ERBB4: variants seen among roughly 807,000 people sequenced by gnomAD.
The protein encoded by ERBB4 is receptor tyrosine-protein kinase erbB-4.
A neutral mutation model predicts 158.0 loss-of-function variants in ERBB4; 42 were observed. The observed-to-expected ratio is 0.27, with a 90% CI of 0.21 to 0.34. The LOEUF (loss-of-function observed/expected upper bound fraction) is 0.34. ERBB4 is among the 10% of genes least tolerant of loss of function. The probability of loss-of-function intolerance (pLI) is 1.00; values close to 1 mark genes in which losing one functional copy is unlikely to be tolerated. For synonymous variants in ERBB4, 583 were observed against 558.7 expected (o/e 1.04, Z -0.61); for missense variants, 1,333 against 1,624.1 (o/e 0.82, Z 3.08).
At chr2:212,245,395 A>G (rs1482713756) in intron 1 of ERBB4, among the ~76,000 whole-genome samples, 1 of 152,126 alleles carries the variant, frequency 6.6e-6, no homozygotes, top group Non-Finnish European at 1.5e-5. Context: ...AGTTTTGAAA[A>G]ATAATTTTGA....
chr2:212,286,099 T>G (rs1320847931), intron 1 of ERBB4, among the ~76,000 whole-genome samples: 1 of 152,152 alleles, frequency 6.6e-6, no homozygotes, highest in Non-Finnish European at 1.5e-5. Flanking sequence ...CATAATCACT[T>G]CAAATCTTAC....
chr2:212,286,594 C>CTTGTT (rs760466245), intron 1 of ERBB4, among the ~76,000 whole-genome samples: 6 of 55,542 alleles, frequency 1.1e-4, no homozygotes, highest in African/African-American at 3.5e-4. Context: ...TAAGTGCTGA[C>CTTGTT]TTTTTTTTTT....
At chr2:211,978,403 T>TATCC (rs1324075872) in intron 2 of ERBB4, among the ~76,000 whole-genome samples, 1 of 148,724 alleles carries the variant, frequency 6.7e-6, no homozygotes, top group East Asian at 2.0e-4. Context: ...TCTGTCTATC[T>TATCC]ATCTATCTAT....
At chr2:212,135,394 T>C (rs143515071) in intron 1 of ERBB4, among the ~76,000 whole-genome samples, 146 of 152,320 alleles carry the variant, frequency 9.6e-4, no homozygotes, top group Middle Eastern at 6.8e-3. Context: ...TTTTTGTACT[T>C]TGTATTTCAA....
chr2:212,338,997 T>G (rs1169936503), intron 1 of ERBB4, among the ~76,000 whole-genome samples: 2 of 152,276 alleles, frequency 1.3e-5, no homozygotes, highest in Non-Finnish European at 2.9e-5. Context: ...TCCTAGTGCA[T>G]TATTATCATT....
At chr2:212,016,506 T>C (rs2076532723) in intron 2 of ERBB4, among the ~76,000 whole-genome samples, 1 of 152,168 alleles carries the variant, frequency 6.6e-6, no homozygotes, top group South Asian at 2.1e-4. Flanking sequence ...TGGCATATCA[T>C]GCAAATTTTA....
chr2:212,298,951 C>T (rs2086520550), intron 1 of ERBB4, among the ~76,000 whole-genome samples: 2 of 151,678 alleles, frequency 1.3e-5, no homozygotes, highest in South Asian at 2.1e-4. Flanking sequence ...AGCAAGTTCT[C>T]TTTCATTGTG....
rs552990979 is a variant in ERBB4, at chr2:212,092,805, G to A, written c.234+31947C>T. Reference sequence around the variant, plus strand: ...ACGCAGGGAGGGGAACATCACAACCGGGGCCTGTCAGGGGGCTAGGGGAGG... The same window carrying A: ...ACGCAGGGAGGGGAACATCACAACCAGGGCCTGTCAGGGGGCTAGGGGAGG... On this transcript the variant is annotated intron_variant, in intron 2 of 27. Coordinates refer to ENST00000342788, the MANE Select transcript of ERBB4 (RefSeq NM_005235.3). Among the ~76,000 whole-genome samples the A allele has an allele frequency of 1.7e-4, 26 of 152,172 alleles. No homozygotes were observed. In the South Asian group the frequency reaches 1.9e-3, roughly 11 times the overall value.
chr2:211,742,448 A>C (rs1304176968), intron 5 of ERBB4, among the ~76,000 whole-genome samples: 1 of 152,232 alleles, frequency 6.6e-6, no homozygotes, highest in African/African-American at 2.4e-5. Context: ...AATTTTGAGG[A>C]ACAAAAATAT....
chr2:211,613,733 A>G (rs2069283680), intron 19 of ERBB4, among the ~76,000 whole-genome samples: 1 of 152,138 alleles, frequency 6.6e-6, no homozygotes, highest in Non-Finnish European at 1.5e-5. Context: ...ACCCCAGTTA[A>G]AATGGCTTAA....
intron 1 of ERBB4, among the ~76,000 whole-genome samples, chr2:212,511,066 A>G (rs936750109): frequency 6.6e-6 from 1 of 152,144 alleles, no homozygotes; most frequent in African/African-American, 2.4e-5. Context: ...AAAAAAACGG[A>G]TATTTTAGAC....
intron 12 of ERBB4, among the ~76,000 whole-genome samples, chr2:211,698,001 A>G (rs1167786427): frequency 6.6e-6 from 1 of 152,194 alleles, no homozygotes; most frequent in Non-Finnish European, 1.5e-5. Context: ...AGTCCAGCAT[A>G]CTTCTATAAA....
At chr2:211,453,548 T>A (rs1271386093) in intron 20 of ERBB4, among the ~76,000 whole-genome samples, 1 of 152,206 alleles carries the variant, frequency 6.6e-6, no homozygotes, top group Non-Finnish European at 1.5e-5. Context: ...TACAATGTGC[T>A]TTTGACTACA....
chr2:211,713,415 G>A lies in ERBB4; in HGVS notation c.997+120C>T, dbSNP rs567009888. The A allele has an allele frequency of 1.9e-4, 136 of 707,284 alleles. 1 individual carries two copies. Among genetic ancestry groups the A allele is most frequent in the South Asian group, 8.0e-4 (52 of 65,294 alleles). 43.8% of individuals were successfully genotyped at this position (707,284 alleles called of 1,614,324 possible). ...GTAACTGTTCAAAATTATGGAAAGC[G>A]TGTGGGTAGGTTTGGTTGTGAGAGT... is the stretch of plus-strand genomic sequence containing the variant. On this transcript the variant is annotated intron_variant, in intron 8 of 27. Coordinates refer to ENST00000342788, the MANE Select transcript of ERBB4 (RefSeq NM_005235.3).
intron 3 of ERBB4, among the ~76,000 whole-genome samples, chr2:211,887,253 T>TTC (rs138281796): frequency 6.9e-6 from 1 of 145,326 alleles, no homozygotes; most frequent in African/African-American, 2.5e-5. Context: ...AACAGAGGAT[T>TTC]ACACACACAC....
At chr2:211,552,107 C>T (rs199805767) in intron 20 of ERBB4, among the ~76,000 whole-genome samples, 39 of 152,156 alleles carry the variant, frequency 2.6e-4, no homozygotes, top group East Asian at 2.3e-3. Context: ...AAAAGTAAAG[C>T]GCACAGATAC....
intron 2 of ERBB4, among the ~76,000 whole-genome samples, chr2:212,057,356 C>T (rs1461764492): frequency 2.0e-5 from 3 of 152,162 alleles, no homozygotes; most frequent in African/African-American, 7.2e-5. Flanking sequence ...GCACTGTCAA[C>T]ATTAGACAGA....
intron 1 of ERBB4, among the ~76,000 whole-genome samples, chr2:212,202,908 C>T (rs1023955934): frequency 9.9e-5 from 15 of 151,710 alleles, no homozygotes; most frequent in East Asian, 1.9e-4. Flanking sequence ...TTTTACACAT[C>T]GGCTAATTAT....
intron 3 of ERBB4, among the ~76,000 whole-genome samples, chr2:211,804,109 G>A (rs754167087): frequency 1.1e-4 from 16 of 152,192 alleles, no homozygotes; most frequent in South Asian, 2.1e-4. Flanking sequence ...TTACTTCCAC[G>A]TGTAAATTTT....
Sources: allele counts gnomAD v4.1 joint callset (sites outside exome capture counted in the v4.1 genomes callset), GRCh38; gene constraint gnomAD v4.1.1; transcripts MANE v1.5; gene names NCBI Gene and HGNC (gene_info 2026-07-23, HGNC 2026-07-21).